Variants in CDH18 observed in about 807,000 individuals in gnomAD.
CDH18 encodes cadherin-18.
A neutral mutation model predicts 67.9 loss-of-function variants in CDH18; 31 were observed. That is an observed-to-expected ratio of 0.46 (90% CI 0.34 to 0.62). The LOEUF (loss-of-function observed/expected upper bound fraction) is 0.62. Ranked by LOEUF, CDH18 falls within the 20% of genes least tolerant of loss-of-function variation. The pLI is 0.01. For missense variants in CDH18, 890 were observed against 975.5 expected, an observed-to-expected ratio of 0.91 and a Z score of 1.17; for synonymous variants, 362 against 347.2, an observed-to-expected ratio of 1.04 and a Z score of -0.48.
chr5:20,415,513 C>A (rs1304664870), intron 1 of CDH18, among the ~76,000 whole-genome samples: 1 of 152,070 alleles, frequency 6.6e-6, no homozygotes, highest in Non-Finnish European at 1.5e-5. Flanking sequence ...GTGGCTCATG[C>A]CTGTAATCCC....
chr5:19,924,683 G>T (rs558756920), intron 2 of CDH18, among the ~76,000 whole-genome samples: 2 of 152,178 alleles, frequency 1.3e-5, no homozygotes, highest in Admixed American at 1.3e-4. Flanking sequence ...TGACTAATAG[G>T]ACATTAGGAA....
chr5:19,812,938 C>T (rs186774845), intron 3 of CDH18, among the ~76,000 whole-genome samples: 6 of 152,176 alleles, frequency 3.9e-5, no homozygotes, highest in South Asian at 2.1e-4. Flanking sequence ...GGCACATATA[C>T]GTCATGGAAT....
intron 1 of CDH18, among the ~76,000 whole-genome samples, chr5:19,985,768 A>G (rs1472782342): frequency 6.6e-6 from 1 of 152,150 alleles, no homozygotes; most frequent in African/African-American, 2.4e-5. Context: ...AAAGAACACC[A>G]TATACATGCT....
intron 2 of CDH18, among the ~76,000 whole-genome samples, chr5:20,215,216 A>G (rs943750017): frequency 6.6e-5 from 10 of 151,868 alleles, no homozygotes; most frequent in Admixed American, 3.3e-4. Context: ...AGCAGTTCCT[A>G]ATGGCCTATT....
chr5:19,792,715 GA>G (rs1234554166), intron 3 of CDH18, among the ~76,000 whole-genome samples: 1 of 152,046 alleles, frequency 6.6e-6, no homozygotes, highest in African/African-American at 2.4e-5. Context: ...AATGAATGAT[GA>G]CAACTTTATT....
chr5:19,890,739 C>T (rs887556001), intron 2 of CDH18, among the ~76,000 whole-genome samples: 3 of 151,826 alleles, frequency 2.0e-5, no homozygotes, highest in South Asian at 2.1e-4. Context: ...GGATTATAGG[C>T]GCCCACCACT....
intron 2 of CDH18, among the ~76,000 whole-genome samples, chr5:19,894,215 T>C (rs1253368788): frequency 3.3e-5 from 5 of 152,174 alleles, no homozygotes; most frequent in Admixed American, 2.0e-4. Context: ...CTTCCTCTTT[T>C]AGGTGAAAGA....
At chr5:19,571,876 C>A in intron 7 of CDH18, 44 bp from the exon 8 acceptor site, 1 of 1,475,184 alleles carries the variant, frequency 6.8e-7, no homozygotes. Context: ...TAAAAAAAGT[C>A]ATATTATGAC....
chr5:19,934,413 A>G (rs2150209261), intron 2 of CDH18, among the ~76,000 whole-genome samples: 1 of 151,282 alleles, frequency 6.6e-6, no homozygotes, highest in East Asian at 1.9e-4. Flanking sequence ...CTCTCATTCT[A>G]CCTTTCCTAA....
chr5:19,729,636 A>T (rs1170310001), intron 4 of CDH18, among the ~76,000 whole-genome samples: 1 of 152,192 alleles, frequency 6.6e-6, no homozygotes, highest in Admixed American at 6.5e-5. Context: ...GTCAAATAAG[A>T]GTATGTTGCA....
intron 2 of CDH18, among the ~76,000 whole-genome samples, chr5:19,897,080 T>C (rs1159707781): frequency 6.6e-6 from 1 of 152,110 alleles, no homozygotes; most frequent in Non-Finnish European, 1.5e-5. Flanking sequence ...GGAAATATGT[T>C]AAGGTAAAAT....
chr5:19,788,141 CATT>C (rs986380589), intron 3 of CDH18, among the ~76,000 whole-genome samples: 18 of 152,180 alleles, frequency 1.2e-4, no homozygotes, highest in African/African-American at 2.9e-4. Context: ...AAAAATTAGA[CATT>C]GTTGTTATTT....
chr5:20,151,500 T>A (rs1751100202), intron 2 of CDH18, among the ~76,000 whole-genome samples: 1 of 152,156 alleles, frequency 6.6e-6, no homozygotes, highest in South Asian at 2.1e-4. Context: ...TTTGGGTATA[T>A]ACCCAATAAT....
At chr5:20,218,714 C>G (rs1201952892) in intron 2 of CDH18, among the ~76,000 whole-genome samples, 5 of 151,900 alleles carry the variant, frequency 3.3e-5, no homozygotes, top group Non-Finnish European at 7.4e-5. Context: ...ACTTTTGTAT[C>G]TTCCTCATTT....
intron 5 of CDH18, among the ~76,000 whole-genome samples, chr5:19,693,906 A>G (rs1239315756): frequency 6.6e-6 from 1 of 151,900 alleles, no homozygotes; most frequent in South Asian, 2.1e-4. Context: ...AAAAAAAAAA[A>G]AAAAAAAGAT....
intron 1 of CDH18, among the ~76,000 whole-genome samples, chr5:20,571,207 C>A (rs985234875): frequency 2.6e-5 from 4 of 152,058 alleles, no homozygotes. Context: ...AAATAGAAAA[C>A]ATGAATATAT....
intron 1 of CDH18, among the ~76,000 whole-genome samples, chr5:20,452,399 C>G (rs1002255531): frequency 1.3e-5 from 2 of 152,050 alleles, no homozygotes; most frequent in African/African-American, 4.8e-5. Context: ...TGGATAAAAA[C>G]ATACACACCA....
At chr5:19,904,327 A>G (rs1790296434) in intron 2 of CDH18, among the ~76,000 whole-genome samples, 1 of 137,148 alleles carries the variant, frequency 7.3e-6, no homozygotes, top group Non-Finnish European at 1.6e-5. Context: ...AAGAAAAGAA[A>G]AGAGAGAGAA....
intron 3 of CDH18, among the ~76,000 whole-genome samples, chr5:19,836,667 C>A (rs1581575330): frequency 6.6e-6 from 1 of 151,736 alleles, no homozygotes; most frequent in Non-Finnish European, 1.5e-5. Context: ...AGGCTCTTTA[C>A]TTTAATTAGA....
Sources: gnomAD v4.1 joint callset for allele counts (sites outside exome capture counted in the v4.1 genomes callset) on GRCh38, gnomAD v4.1.1 for gene constraint, MANE v1.5 for transcripts, NCBI Gene and HGNC (gene_info 2026-07-23, HGNC 2026-07-21) for gene names.